LSM14B: variants seen among roughly 807,000 people sequenced by gnomAD.
The protein encoded by LSM14B is LSM family member 14B, also known as protein LSM14 homolog B.
In LSM14B, 8 loss-of-function variants were observed where a neutral mutation model predicts 42.1. That is an observed-to-expected ratio of 0.19 (90% CI 0.11 to 0.34). LSM14B has a LOEUF of 0.34. Ranked by LOEUF, LSM14B falls within the 10% of genes least tolerant of loss-of-function variation. LSM14B has a pLI of 1.00. For synonymous variants in LSM14B, 219 were observed against 209.7 expected (o/e 1.04, Z -0.38); for missense variants, 396 against 513.1 (o/e 0.77, Z 2.21).
chr20:62,122,728 A>G lies in LSM14B; in HGVS notation c.62A>G (p.Gln21Arg). ...GSKISLISKAQIRYEGILYTI... is the reference protein window; with the variant it reads ...GSKISLISKARIRYEGILYTI... Reference sequence around the variant, plus strand: ...AAGATCAGCCTCATCTCCAAGGCGCAGATCCGCTACGAGGGCATTCTCTAC... The same window carrying G: ...AAGATCAGCCTCATCTCCAAGGCGCGGATCCGCTACGAGGGCATTCTCTAC... Residue 21 changes from glutamine to arginine, a missense_variant, in exon 1 of 9, where the codon CAG becomes CGG. Transcript: ENST00000279068. The surrounding 1 kb of genome is among the most constrained non-coding windows in gnomAD (Gnocchi z 4.6). The G allele has an allele frequency of 6.6e-7, 1 of 1,523,716 alleles. No individual in the cohort carries two copies. The highest frequency in any genetic ancestry group is 1.9e-5 in the Admixed American group (1 of 51,788). The allele number at this position is 1,523,716 out of a possible 1,614,324, so 94.4% of individuals were successfully genotyped here. A position where few individuals can be genotyped will look rare whatever the true frequency, so the allele number is the denominator to read the frequency against.
At chr20:62,123,022 G>A in intron 1 of LSM14B, 1 of 245,968 alleles carries the variant, frequency 4.1e-6, no homozygotes, top group Non-Finnish European at 7.6e-6. Flanking sequence ...GCCGCACAAT[G>A]GTCTCCCTGG....
intron 8 of LSM14B, 98 bp from the exon 9 acceptor site, chr20:62,134,065 T>G (rs575271957): frequency 1.4e-5 from 5 of 368,176 alleles, no homozygotes; most frequent in Admixed American, 3.8e-5. Flanking sequence ...AGTCTGACTC[T>G]GGGGGCAGGA....
Position 62,122,790 on chromosome 20 carries a change from A to G in LSM14B, c.124A>G (p.Lys42Glu). ...CGACAACTCCACCGTGGCGCTCGCCAAAGGTAGCGGCCGCCGCCCGCCCGA... is the reference window on the plus strand; with the variant it reads ...CGACAACTCCACCGTGGCGCTCGCCGAAGGTAGCGGCCGCCGCCCGCCCGA... ...DTDNSTVALA[K>E]VRSFGTEDRP... The change falls in exon 1 of 9, where the codon AAA becomes GAA. Residue 42 changes from lysine (K) to glutamate (E), a missense_variant. Lys to Glu is a moderately conservative substitution (Grantham distance 56). Around this residue, in one of 3 missense-constraint regions of LSM14B, gnomAD observed 274 missense variants for 335.8 expected, o/e 0.82. Coordinates refer to ENST00000279068, the MANE Select transcript of LSM14B (RefSeq NM_144703.3). The surrounding 1 kb of genome is among the most constrained non-coding windows in gnomAD (Gnocchi z 4.6). 1 of 1,494,222 alleles carries G rather than the reference A, an allele frequency of 6.7e-7. No individual in the cohort carries two copies. Among genetic ancestry groups the G allele is most frequent in the Non-Finnish European group, 9.0e-7 (1 of 1,114,474 alleles). The allele number at this position is 1,494,222 out of a possible 1,614,324, so 92.6% of individuals were successfully genotyped here.
rs370570545 is a variant in LSM14B at position 62,124,738 on chromosome 20, G to A, written c.249G>A (p.Pro83=). The A allele has an allele frequency of 1.2e-4, 190 of 1,613,700 alleles. No individual in the cohort carries two copies. The highest frequency in any genetic ancestry group is 1.4e-4 in the Non-Finnish European group (165 of 1,179,830). The change falls in exon 2 of 9, where the codon CCG becomes CCA. Residue 83 remains proline, a synonymous_variant. Transcript: ENST00000279068. ...AGGATATCACTGTGTGTGAACCTCC[G>A]AAAGCTCAGCACACACTCCCGCAGG... ...DIKDITVCEP[P]KAQHTLPQDP... is the part of the protein sequence containing the mutation.
rs1459376733 is a variant in LSM14B at position 62,122,531 on chromosome 20, CGAGGAGGCGCCCAG to C, written c.-134_-121del. ...CCCGCGCAGGCCCCTCGGGCGGTGG[CGAGGAGGCGCCCAG>C]GCGGAGGCGGCGGCGGGCGGAGGAG... On this transcript the variant is annotated 5_prime_UTR_variant, in exon 1 of 9. Transcript: ENST00000279068. The surrounding 1 kb of genome is among the most constrained non-coding windows in gnomAD (Gnocchi z 4.6). 25 of 591,956 alleles carry C rather than the reference CGAGGAGGCGCCCAG, an allele frequency of 4.2e-5. No individual in the cohort carries two copies. The African/African-American group carries it at 4.9e-4, about 12-fold the overall frequency. The allele number at this position is 591,956 out of a possible 1,614,324, so 36.7% of individuals were successfully genotyped here. A position where few individuals can be genotyped will look rare whatever the true frequency, so the allele number is the denominator to read the frequency against.
At position 62,130,732 on chromosome 20, in the gene LSM14B, A is replaced by G. The variant is rs760376284; in HGVS notation, c.835+41A>G. ...TGAAAATTATTCTCTGCACAGGAGT[A>G]CCCCTAGAGAGTGTTAGGAGGAGAT... On this transcript the variant is annotated intron_variant, in intron 6 of 8. Coordinates refer to ENST00000279068, the MANE Select transcript of LSM14B (RefSeq NM_144703.3). This position sits in a 1 kb window ranked among gnomAD's most constrained non-coding sequence, Gnocchi z 4.1. 2 of 1,591,952 alleles carry G rather than the reference A, an allele frequency of 1.3e-6. No individual in the cohort carries two copies. Among genetic ancestry groups the G allele is most frequent in the Non-Finnish European group, 1.7e-6 (2 of 1,169,790 alleles).
At chr20:62,125,006 G>T (rs1043036556) in intron 2 of LSM14B, among the ~76,000 whole-genome samples, 1 of 151,976 alleles carries the variant, frequency 6.6e-6, no homozygotes, top group African/African-American at 2.4e-5. Flanking sequence ...TCAGCCTCCC[G>T]AGTAGCTGGG....
At chr20:62,129,458 C>T (rs550387374) in intron 3 of LSM14B, among the ~76,000 whole-genome samples, 1 of 152,148 alleles carries the variant, frequency 6.6e-6, no homozygotes, top group Non-Finnish European at 1.5e-5. Context: ...GCTGTTTCCA[C>T]ACTTCTGGGG....
chr20:62,122,872 G>GGCGCCCCGGA lies in LSM14B; in HGVS notation c.127+82_127+91dup. The GGCGCCCCGGA allele has an allele frequency of 8.1e-7, 1 of 1,230,070 alleles. No individual in the cohort carries two copies. The highest frequency in any genetic ancestry group is 1.0e-6 in the Non-Finnish European group (1 of 970,698). The allele number at this position is 1,230,070 out of a possible 1,614,324, so 76.2% of individuals were successfully genotyped here. ...GCCTGCGGTGCCCTCCCCGCCCCGGGGCGCCCCGGAGCCTGGCGCCCAGAC... is the reference window on the plus strand; with the variant it reads ...GCCTGCGGTGCCCTCCCCGCCCCGGGGCGCCCCGGAGCGCCCCGGAGCCTGGCGCCCAGAC... On this transcript the variant is annotated intron_variant, in intron 1 of 8. Transcript: ENST00000279068. The surrounding 1 kb of genome is among the most constrained non-coding windows in gnomAD (Gnocchi z 4.6).
At chr20:62,124,077 C>T (rs73915587) in intron 1 of LSM14B, among the ~76,000 whole-genome samples, 1,923 of 152,300 alleles carry the variant, frequency 0.013, 49 homozygotes, top group African/African-American at 0.044. Flanking sequence ...CTTATAGATG[C>T]GGAAGCCGGG....
In LSM14B at chr20:62,135,039, A is replaced by AT. The variant is rs1437691917; in HGVS notation, c.*894dup. The AT allele has an allele frequency of 6.6e-6, 1 of 151,736 alleles. No homozygotes were observed. The highest frequency in any genetic ancestry group is 1.5e-5 in the Non-Finnish European group (1 of 67,966). The allele number at this position is 151,736 out of a possible 1,614,324, so 9.4% of individuals were successfully genotyped here. On this transcript the variant is annotated 3_prime_UTR_variant, in exon 9 of 9. Coordinates refer to ENST00000279068, the MANE Select transcript of LSM14B (RefSeq NM_144703.3). ...TGCAAGGTCAGTTGACCAAGAGCAT[A>AT]TTTCCCCTCTGTTGTACATCGTTGT...
chr20:62,123,840 GTA>G (rs1347577441), intron 1 of LSM14B, among the ~76,000 whole-genome samples: 1 of 152,218 alleles, frequency 6.6e-6, no homozygotes, highest in East Asian at 1.9e-4. Flanking sequence ...AGCTTGTTGA[GTA>G]TGCCAGGGCT....
Position 62,134,379 on chromosome 20 carries a change from C to G in LSM14B, c.*231C>G, listed in dbSNP as rs144025702. ...GGTAACCTCTTTGAGGTCTCTTTATCTGTGTTTCCTTTTTAGTTGCGCATA... is the reference window on the plus strand; with the variant it reads ...GGTAACCTCTTTGAGGTCTCTTTATGTGTGTTTCCTTTTTAGTTGCGCATA... On this transcript the variant is annotated 3_prime_UTR_variant, in exon 9 of 9. Coordinates refer to ENST00000279068, the MANE Select transcript of LSM14B (RefSeq NM_144703.3). 6 of 459,018 alleles carry G rather than the reference C, an allele frequency of 1.3e-5. No homozygotes were observed. In the East Asian group the frequency reaches 3.6e-4, roughly 27 times the overall value. 28.4% of individuals were successfully genotyped at this position (459,018 alleles called of 1,614,324 possible). A position where few individuals can be genotyped will look rare whatever the true frequency, so the allele number is the denominator to read the frequency against.
intron 3 of LSM14B, among the ~76,000 whole-genome samples, chr20:62,129,247 T>C (rs2056695087): frequency 6.6e-6 from 1 of 152,148 alleles, no homozygotes; most frequent in African/African-American, 2.4e-5. Context: ...CATTTTTAGT[T>C]TTATTGTGCC....
intron 3 of LSM14B, chr20:62,129,158 C>A (rs2056691600): frequency 5.1e-6 from 2 of 395,188 alleles, no homozygotes; most frequent in Non-Finnish European, 4.8e-6. Context: ...ACCTAGGAGC[C>A]CTTTGTGTCT....
intron 2 of LSM14B, 59 bp downstream of exon 2, chr20:62,124,839 C>G (rs1042893210): frequency 6.6e-6 from 10 of 1,519,706 alleles, no homozygotes; most frequent in African/African-American, 2.8e-5. Context: ...CCATTTGGAG[C>G]TTGGTGGCAT....
intron 2 of LSM14B, 54 bp downstream of exon 2, chr20:62,124,834 T>A: frequency 2.6e-6 from 4 of 1,537,812 alleles, no homozygotes; most frequent in Non-Finnish European, 3.5e-6. Flanking sequence ...GGTTTCCATT[T>A]GGAGCTTGGT....
intron 3 of LSM14B, chr20:62,128,869 G>T: frequency 8.2e-6 from 8 of 975,828 alleles, no homozygotes; most frequent in South Asian, 1.4e-5. Context: ...AAGATGAGAT[G>T]CCCAGTCTTC....
intron 7 of LSM14B, among the ~76,000 whole-genome samples, chr20:62,132,358 C>T (rs1045640037): frequency 1.3e-5 from 2 of 152,184 alleles, no homozygotes; most frequent in Non-Finnish European, 2.9e-5. Context: ...GTTCCAAGTG[C>T]CGCGGGAAGC....
Sources: gnomAD v4.1 joint callset for allele counts (sites outside exome capture counted in the v4.1 genomes callset) on GRCh38, gnomAD v4.1.1 for gene constraint, gnomAD v4.1.1 regional missense constraint, Gnocchi (gnomAD v3.1) non-coding constraint, MANE v1.5 for transcripts, NCBI Gene and HGNC (gene_info 2026-07-23, HGNC 2026-07-21) for gene names.